Variants in AHNAK observed in about 807,000 individuals in gnomAD.
AHNAK encodes AHNAK nucleoprotein, also known as neuroblast differentiation-associated protein AHNAK.
AHNAK carries 23 observed loss-of-function variants against 37.8 expected under a neutral mutation model. The observed-to-expected ratio is 0.61, with a 90% CI of 0.44 to 0.86. The LOEUF (loss-of-function observed/expected upper bound fraction) is 0.86. Among genes scored for constraint, AHNAK ranks in the 40% least tolerant of loss-of-function variants. The pLI is 0.00. For synonymous variants in AHNAK, 2,481 were observed against 2,636.3 expected (o/e 0.94, Z 1.80); for missense variants, 7,411 against 7,319.4 (o/e 1.01, Z -0.46).
In AHNAK at chr11:62,528,802, T is replaced by C. The variant is rs558631977; in HGVS notation, c.5615A>G (p.Asp1872Gly). 15 of 1,612,194 alleles carry C rather than the reference T, an allele frequency of 9.3e-6. No individual in the cohort carries two copies. In the East Asian group the frequency reaches 2.5e-4, roughly 26 times the overall value. Reference sequence around the variant, plus strand: ...CAATTTTGGCACCGACACATCCGCATCCCCTTTGACTTTGGGGCCTTTCAG... The same window carrying C: ...CAATTTTGGCACCGACACATCCGCACCCCCTTTGACTTTGGGGCCTTTCAG... ...LHLKGPKVKG[D>G]ADVSVPKLEG... The change falls in exon 5 of 5, where the codon GAT becomes GGT. Residue 1872 changes from aspartate to glycine, a missense_variant. Transcript: ENST00000378024.
chr11:62,520,338 A>G lies in AHNAK; in HGVS notation c.14079T>C (p.Pro4693=). 6.2e-7 allele frequency: 1 copy of G among 1,608,866 alleles called. No homozygotes were observed. Residue 4693 remains proline, a synonymous_variant, in exon 5 of 5, where the codon CCT becomes CCC. Coordinates refer to ENST00000378024, the MANE Select transcript of AHNAK (RefSeq NM_001620.3). ...VSGPKVDVDV[P]DVNIEGPDAK... Reference sequence around the variant, plus strand: ...CATCTGGACCTTCGATATTCACATCAGGAACATCAACGTCCACTTTGGGTC... The same window carrying G: ...CATCTGGACCTTCGATATTCACATCGGGAACATCAACGTCCACTTTGGGTC...
chr11:62,486,794 G>C (rs905601340), intron 5 of AHNAK, among the ~76,000 whole-genome samples: 2 of 151,614 alleles, frequency 1.3e-5, no homozygotes, highest in Non-Finnish European at 2.9e-5. Flanking sequence ...AGAACTCACA[G>C]ATTGGCCCAC....
Position 62,521,659 on chromosome 11 carries a change from T to G in AHNAK, c.12758A>C (p.Lys4253Thr). 1 of 1,613,998 alleles carries G rather than the reference T, an allele frequency of 6.2e-7. No individual in the cohort carries two copies. Among genetic ancestry groups the G allele is most frequent in the Non-Finnish European group, 8.5e-7 (1 of 1,180,010 alleles). The stretch of plus-strand genomic sequence containing the variant: ...GTCAGGCATGGAGATCTTGGGGGCT[T>G]TGATGTTCATCTCAGGCATCTTGAA... Reference protein sequence around the residue: ...PKFKMPEMNIKAPKISMPDFD... With the variant: ...PKFKMPEMNITAPKISMPDFD... Residue 4253 changes from lysine (K) to threonine (T), a missense_variant, in exon 5 of 5, where the codon AAA (lysine) becomes ACA (threonine). Physicochemically the swap from Lys to Thr is moderately conservative, Grantham distance 78. Coordinates refer to ENST00000378024, the MANE Select transcript of AHNAK (RefSeq NM_001620.3).
In AHNAK at chr11:62,526,296, G is replaced by C; in HGVS notation, c.8121C>G (p.Ile2707Met). Reference protein sequence around the residue: ...MPEMNIKAPKISMPDIDLNLK... With the variant: ...MPEMNIKAPKMSMPDIDLNLK... ...GGTTTAAGTCAATATCAGGCATGGA[G>C]ATCTTGGGGGCTTTGATATTCATCT... The change falls in exon 5 of 5, where the codon ATC becomes ATG. Residue 2707 changes from isoleucine to methionine, a missense_variant. Ile to Met is a conservative substitution (Grantham distance 10). Coordinates refer to ENST00000378024, the MANE Select transcript of AHNAK (RefSeq NM_001620.3). The C allele has an allele frequency of 6.2e-7, 1 of 1,613,736 alleles. No homozygotes were observed. The highest frequency in any genetic ancestry group is 8.5e-7 in the Non-Finnish European group (1 of 1,179,954).
intron 5 of AHNAK, among the ~76,000 whole-genome samples, chr11:62,479,387 G>A (rs534725976): frequency 4.6e-5 from 7 of 151,396 alleles, no homozygotes; most frequent in East Asian, 1.9e-4. Flanking sequence ...GGCTGATCTC[G>A]AACTCCTGAC....
In AHNAK at chr11:62,530,329, T is replaced by C. The variant is rs765543200; in HGVS notation, c.4088A>G (p.Lys1363Arg). Residue 1363 changes from lysine to arginine, a missense_variant, in exon 5 of 5, where the codon AAA becomes AGA. Physicochemically the swap from Lys to Arg is conservative, Grantham distance 26. Transcript: ENST00000378024. The stretch of plus-strand genomic sequence containing the variant: ...CACATCTGGAGCACTAATGTCAACT[T>C]TGGGCCCTTTAATGTCAACATCTGG... ...KVPDVDIKGP[K>R]VDISAPDVDV... The C allele has an allele frequency of 1.2e-6, 2 of 1,613,424 alleles. No individual in the cohort carries two copies. Among genetic ancestry groups the C allele is most frequent in the South Asian group, 1.1e-5 (1 of 91,038 alleles).
Position 62,516,143 on chromosome 11 carries a change from C to A in AHNAK, c.*601G>T. The A allele has an allele frequency of 7.8e-7, 1 of 1,286,570 alleles. No homozygotes were observed. Among genetic ancestry groups the A allele is most frequent in the Non-Finnish European group, 1.0e-6 (1 of 987,194 alleles). The allele number at this position is 1,286,570 out of a possible 1,614,324, so 79.7% of individuals were successfully genotyped here. ...CAATTTGCAAACAGATTCTAATTTC[C>A]TCTCACCGTCAGCACCAAACTGGCT... On this transcript the variant is annotated 3_prime_UTR_variant, in exon 5 of 5. Transcript: ENST00000378024.
rs1446384854 is a variant in AHNAK at position 62,528,062 on chromosome 11, T to C, written c.6355A>G (p.Met2119Val). 5.0e-6 allele frequency: 8 copies of C among 1,613,576 alleles called. No homozygotes were observed. Among genetic ancestry groups the C allele is most frequent in the East Asian group, 2.2e-5 (1 of 44,800 alleles). ...TTCAAGTGTAAGTCCACATCAGGCA[T>C]GGAGATCTTGGGGGCCTTGAAGTGC... ...EMHFKAPKIS[M>V]PDVDLHLKGP... The change falls in exon 5 of 5, where the codon ATG (methionine) becomes GTG (valine). Residue 2119 changes from methionine (M) to valine (V), a missense_variant. Transcript: ENST00000378024.
At position 62,530,216 on chromosome 11, in the gene AHNAK, C is replaced by T; in HGVS notation, c.4201G>A (p.Glu1401Lys). The T allele has an allele frequency of 1.2e-6, 2 of 1,613,154 alleles. No individual in the cohort carries two copies. The highest frequency in any genetic ancestry group is 1.7e-6 in the Non-Finnish European group (2 of 1,179,860). The change falls in exon 5 of 5, where the codon GAA becomes AAA. Residue 1401 changes from glutamate (E) to lysine (K), a missense_variant. Coordinates refer to ENST00000378024, the MANE Select transcript of AHNAK (RefSeq NM_001620.3). ...GCTTTGGGCAGCTTCACATCCACTT[C>T]AGGGCCCTCTCCTTTGAAGCCGGGC... The part of the protein sequence containing the change: ...SMPGFKGEGP[E>K]VDVKLPKADV...
chr11:62,522,047 G>A lies in AHNAK; in HGVS notation c.12370C>T (p.Leu4124Phe). The change falls in exon 5 of 5, where the codon CTC becomes TTC. Residue 4124 changes from leucine to phenylalanine, a missense_variant. Coordinates refer to ENST00000378024, the MANE Select transcript of AHNAK (RefSeq NM_001620.3). The stretch of plus-strand genomic sequence containing the variant: ...GGCATAGAGATCTTCGGTGCCTTGA[G>A]GTGCAGGTCAGGCATTTTAAATTTG... ...GPKFKMPDLHLKAPKISMPEV... is the reference protein window; with the variant it reads ...GPKFKMPDLHFKAPKISMPEV... 4.3e-6 allele frequency: 7 copies of A among 1,613,806 alleles called. No homozygotes were observed. The highest frequency in any genetic ancestry group is 1.1e-5 in the South Asian group (1 of 91,058).
chr11:62,448,964 A>G (rs747606940), intron 5 of AHNAK, among the ~76,000 whole-genome samples: 2 of 152,072 alleles, frequency 1.3e-5, no homozygotes, highest in African/African-American at 4.8e-5. Flanking sequence ...GCTACTCGGG[A>G]GGCTGAGGCA....
rs934646117 is a variant in AHNAK at position 62,546,641 on chromosome 11, G to C, written c.-100+19C>G. ...TGCCCCGGACCCCGATGGCGCCACG[G>C]TGCGCCTGGCGCCCCTACCTGAGGG... On this transcript the variant is annotated intron_variant, in intron 1 of 4. Transcript: ENST00000378024. 6.6e-6 allele frequency: 1 copy of C among 152,240 alleles called. No individual in the cohort carries two copies. The highest frequency in any genetic ancestry group is 2.4e-5 in the African/African-American group (1 of 41,452). 9.4% of individuals were successfully genotyped at this position (152,240 alleles called of 1,614,324 possible). A position where few individuals can be genotyped will look rare whatever the true frequency, so the allele number is the denominator to read the frequency against.
At position 62,527,544 on chromosome 11, in the gene AHNAK, T is replaced by G. The variant is rs964893051; in HGVS notation, c.6873A>C (p.Pro2291=). 8.1e-6 allele frequency: 13 copies of G among 1,610,120 alleles called. No homozygotes were observed. ...VEVPDVSLEG[P]EGKLKGPKFK... ...ACTTGGGGCCCTTCAGCTTCCCTTC[T>G]GGACCTTCAAGGCTCACATCTGGGA... Residue 2291 remains proline (P), a synonymous_variant, in exon 5 of 5, where the codon CCA becomes CCC. Transcript: ENST00000378024.
chr11:62,451,908 C>T (rs1306797948), intron 5 of AHNAK, among the ~76,000 whole-genome samples: 3 of 150,308 alleles, frequency 2.0e-5, no homozygotes, highest in South Asian at 2.1e-4. Flanking sequence ...CCCAGGTTCA[C>T]GCCATTCTCC....
chr11:62,529,134 T>C lies in AHNAK; in HGVS notation c.5283A>G (p.Glu1761=), dbSNP rs1432693075. The C allele has an allele frequency of 6.2e-7, 1 of 1,614,140 alleles. No individual in the cohort carries two copies. The highest frequency in any genetic ancestry group is 8.5e-7 in the Non-Finnish European group (1 of 1,180,018). The part of the protein sequence containing the change: ...DAPDLDIEGP[E]GKLKGSKFKM... ...TAAATTTGGAGCCTTTCAACTTTCC[T>C]TCTGGTCCCTCAATATCCAAATCAG... The change falls in exon 5 of 5, where the codon GAA becomes GAG. Residue 1761 remains glutamate, a synonymous_variant. Transcript: ENST00000378024.
In AHNAK at chr11:62,528,517, C is replaced by T. The variant is rs368615395; in HGVS notation, c.5900G>A (p.Cys1967Tyr). The T allele has an allele frequency of 4.9e-5, 79 of 1,611,462 alleles. No homozygotes were observed. Among genetic ancestry groups the T allele is most frequent in the Admixed American group, 6.7e-5 (4 of 59,466 alleles). The change falls in exon 5 of 5, where the codon TGT (cysteine) becomes TAT (tyrosine). Residue 1967 changes from cysteine (C) to tyrosine (Y), a missense_variant. By Grantham distance (194) the Cys-to-Tyr change is radical (BLOSUM62 -2). Coordinates refer to ENST00000378024, the MANE Select transcript of AHNAK (RefSeq NM_001620.3). ...GVEVPDVELE[C>Y]PDAKLKGPKF... ...GGGCCCTTTCAACTTTGCATCAGGA[C>T]ACTCCAGCTCAACATCAGGCACCTC... is the stretch of plus-strand genomic sequence containing the variant.
intron 4 of AHNAK, among the ~76,000 whole-genome samples, chr11:62,492,750 C>A (rs1376960937): frequency 1.3e-5 from 2 of 151,534 alleles, no homozygotes; most frequent in African/African-American, 4.9e-5. Context: ...TGGTGGCACA[C>A]AACCGTAGTC....
chr11:62,480,585 C>T lies in AHNAK; in HGVS notation c.442+11147G>A, dbSNP rs988127721. 2.0e-5 allele frequency among the ~76,000 whole-genome samples: 3 copies of T among 151,356 alleles called. No individual in the cohort carries two copies. The South Asian group carries it at 6.2e-4, about 31-fold the overall frequency. ...TTGAAGCAGGAGAATCGCTTGAACCCGGGAGGTGGAGGTTGCAGTGAGCCG... is the reference window on the plus strand; with the variant it reads ...TTGAAGCAGGAGAATCGCTTGAACCTGGGAGGTGGAGGTTGCAGTGAGCCG... On this transcript the variant is annotated intron_variant, in intron 5 of 5. Transcript: ENST00000257247.
chr11:62,496,726 C>T (rs560559043), intron 4 of AHNAK, among the ~76,000 whole-genome samples: 6 of 151,902 alleles, frequency 3.9e-5, no homozygotes, highest in Admixed American at 2.0e-4. Context: ...ACCCGGGAGG[C>T]GGCAGTTGCA....
Sources: gnomAD v4.1 joint callset for allele counts (sites outside exome capture counted in the v4.1 genomes callset) on GRCh38, gnomAD v4.1.1 for gene constraint, MANE v1.5 for transcripts, NCBI Gene and HGNC (gene_info 2026-07-23, HGNC 2026-07-21) for gene names.